The following MED15 variants were observed in gnomAD, a reference collection of about 807,000 sequenced individuals.
The protein encoded by MED15 is mediator complex subunit 15, also known as mediator of RNA polymerase II transcription subunit 15.
MED15 carries 41 observed loss-of-function variants against 118.7 expected under a neutral mutation model. The ratio of observed to expected loss-of-function variants is 0.35; its 90% CI spans 0.27 to 0.45. The LOEUF is 0.45. MED15 is among the 20% of genes least tolerant of loss of function. The probability of loss-of-function intolerance (pLI) is 1.00; values close to 1 mark genes in which losing one functional copy is unlikely to be tolerated. For missense variants in MED15, 740 were observed against 1,025.5 expected, an observed-to-expected ratio of 0.72 and a Z score of 3.80; for synonymous variants, 436 against 413.9, an observed-to-expected ratio of 1.05 and a Z score of -0.65.
chr22:20,574,261 C>T (rs1437736191), intron 8 of MED15: 1 of 152,244 alleles, frequency 6.6e-6, no homozygotes, highest in African/African-American at 2.4e-5. Context: ...GCCTGTAGGC[C>T]CTGCTCTCCA....
At chr22:20,576,112 G>A (rs1337501941) in intron 9 of MED15, among the ~76,000 whole-genome samples, 1 of 152,210 alleles carries the variant, frequency 6.6e-6, no homozygotes, top group East Asian at 1.9e-4. Context: ...TTAACAAATA[G>A]TTACCACATG....
chr22:20,571,352 A>G (rs897829511), intron 8 of MED15, among the ~76,000 whole-genome samples: 3 of 152,186 alleles, frequency 2.0e-5, no homozygotes, highest in African/African-American at 7.2e-5. Context: ...AGGAGGATGG[A>G]GAGTGGTTAC....
At position 20,518,966 on chromosome 22, in the gene MED15, C is replaced by T. The variant is rs555660778; in HGVS notation, c.68+11220C>T. ...CTCCTGGGCTCAAGCGATCCTCCCA[C>T]GTCAGCCTCCCAAGTAGCTGGGACC... On this transcript the variant is annotated intron_variant, in intron 1 of 17. Coordinates refer to ENST00000263205, the MANE Select transcript of MED15 (RefSeq NM_001003891.3). 4.2e-5 allele frequency: 18 copies of T among 426,770 alleles called. No homozygotes were observed. In the East Asian group the frequency reaches 1.1e-3, roughly 27 times the overall value. 26.4% of individuals were successfully genotyped at this position (426,770 alleles called of 1,614,324 possible). A position where few individuals can be genotyped will look rare whatever the true frequency, so the allele number is the denominator to read the frequency against.
At chr22:20,558,054 G>A (rs923051503) in intron 5 of MED15, among the ~76,000 whole-genome samples, 3 of 152,150 alleles carry the variant, frequency 2.0e-5, no homozygotes, top group African/African-American at 4.8e-5. Context: ...TGCAGGGGGC[G>A]AGATCGTGCC....
At chr22:20,543,864 G>C (rs1230185173) in intron 2 of MED15, among the ~76,000 whole-genome samples, 1 of 152,120 alleles carries the variant, frequency 6.6e-6, no homozygotes, top group Non-Finnish European at 1.5e-5. Context: ...GGCCCAAGCT[G>C]AGTCTTGAAT....
chr22:20,582,921 C>T lies in MED15; in HGVS notation c.1491C>T (p.Thr497=), dbSNP rs886663152. 6.8e-6 allele frequency: 11 copies of T among 1,613,634 alleles called. No individual in the cohort carries two copies. Among genetic ancestry groups the T allele is most frequent in the Non-Finnish European group, 9.3e-6 (11 of 1,180,012 alleles). ...CCCAGAGCCCAGTGACGGCGCGGAC[C>T]CCACAGAACTTCAGTGTCCCCTCAC... ...QPSQSPVTAR[T]PQNFSVPSPG... is the part of the protein sequence containing the mutation. The change falls in exon 11 of 18, where the codon ACC becomes ACT. Residue 497 remains threonine (T), a synonymous_variant. Transcript: ENST00000263205.
At chr22:20,567,035 A>G (rs117852507) in intron 7 of MED15, among the ~76,000 whole-genome samples, 6 of 152,292 alleles carry the variant, frequency 3.9e-5, no homozygotes, top group East Asian at 1.9e-4. Context: ...CACCCCGCAC[A>G]GGGTACTGCT....
At chr22:20,530,086 G>A (rs1250387990) in intron 1 of MED15, among the ~76,000 whole-genome samples, 2 of 152,082 alleles carry the variant, frequency 1.3e-5, no homozygotes, top group African/African-American at 4.8e-5. Flanking sequence ...CTGGTGACAT[G>A]CTTAGGAAAC....
chr22:20,562,034 G>A (rs994405780), intron 5 of MED15, among the ~76,000 whole-genome samples: 2 of 152,180 alleles, frequency 1.3e-5, no homozygotes, highest in African/African-American at 4.8e-5. Flanking sequence ...GTACACACCT[G>A]TAGTCCCATC....
chr22:20,581,139 C>A (rs2146666842), intron 9 of MED15, among the ~76,000 whole-genome samples: 1 of 152,336 alleles, frequency 6.6e-6, no homozygotes, highest in East Asian at 1.9e-4. Flanking sequence ...CCTGGTCTCC[C>A]AGCACACGTG....
intron 1 of MED15, among the ~76,000 whole-genome samples, chr22:20,525,035 T>G (rs2054584338): frequency 6.6e-6 from 1 of 152,108 alleles, no homozygotes; most frequent in African/African-American, 2.4e-5. Context: ...GCGCAGTTGC[T>G]CACACCTATA....
At position 20,566,474 on chromosome 22, in the gene MED15, A is replaced by G; in HGVS notation, c.698A>G (p.Gln233Arg). ...LHHQNQQQIQ[Q>R]QQQQLQRIAQ... ...TGCTTGTTCTGTCTCTAGATACAGC[A>G]GCAGCAACAGCAGCTGCAGCGAATA... The change falls in exon 7 of 18, where the codon CAG becomes CGG. Residue 233 changes from glutamine (Q) to arginine (R), a missense_variant. Coordinates refer to ENST00000263205, the MANE Select transcript of MED15 (RefSeq NM_001003891.3). The G allele has an allele frequency of 6.2e-7, 1 of 1,612,408 alleles. No homozygotes were observed. Among genetic ancestry groups the G allele is most frequent in the Non-Finnish European group, 8.5e-7 (1 of 1,179,942 alleles).
intron 8 of MED15, among the ~76,000 whole-genome samples, chr22:20,570,319 G>A (rs981297488): frequency 2.0e-5 from 3 of 151,542 alleles, no homozygotes; most frequent in Non-Finnish European, 4.4e-5. Flanking sequence ...CAATGCGCCC[G>A]GCTGGAAACT....
chr22:20,537,230 T>C (rs758356228), intron 2 of MED15, 26 bp downstream of exon 2: 1 of 1,596,124 alleles, frequency 6.3e-7, no homozygotes, highest in South Asian at 1.1e-5. Context: ...GTGGAGCCAC[T>C]CTGGCAGAGA....
chr22:20,508,857 G>A (rs185212203), intron 1 of MED15, among the ~76,000 whole-genome samples: 1 of 152,166 alleles, frequency 6.6e-6, no homozygotes, highest in South Asian at 2.1e-4. Flanking sequence ...GCTTATTGGC[G>A]TGTTGTGCTC....
chr22:20,554,860 TG>T, intron 4 of MED15, 75 bp from the exon 5 acceptor site: 1 of 1,403,634 alleles, frequency 7.1e-7, no homozygotes, highest in Non-Finnish European at 9.7e-7. Flanking sequence ...CTGTGCTCTG[TG>T]AGCCTTACGC....
chr22:20,507,976 T>C, intron 1 of MED15: 1 of 1,434,934 alleles, frequency 7.0e-7, no homozygotes, highest in South Asian at 1.5e-5. Context: ...AGCCCTGGCT[T>C]ATGAATCATC....
At chr22:20,520,105 C>T (rs2054393530) in intron 1 of MED15, among the ~76,000 whole-genome samples, 1 of 152,088 alleles carries the variant, frequency 6.6e-6, no homozygotes, top group Admixed American at 6.5e-5. Context: ...ACATCTGGGC[C>T]AAAGGCAGGG....
intron 2 of MED15, 59 bp from the exon 3 acceptor site, chr22:20,551,377 G>A (rs1461078924): frequency 1.0e-5 from 15 of 1,484,216 alleles, no homozygotes; most frequent in Non-Finnish European, 9.4e-7. Context: ...CGGGAAGGGG[G>A]AGTCCGATGA....
Sources: gnomAD v4.1 joint callset for allele counts (sites outside exome capture counted in the v4.1 genomes callset) on GRCh38, gnomAD v4.1.1 for gene constraint, MANE v1.5 for transcripts, NCBI Gene and HGNC (gene_info 2026-07-23, HGNC 2026-07-21) for gene names.